EBF3: variants seen among roughly 807,000 people sequenced by gnomAD.
EBF3 encodes the protein transcription factor COE3.
EBF3 carries 18 observed loss-of-function variants against 77.1 expected under a neutral mutation model. The ratio of observed to expected loss-of-function variants is 0.23; its 90% CI spans 0.16 to 0.35. The LOEUF is 0.35. Ranked by LOEUF, EBF3 falls within the 10% of genes least tolerant of loss-of-function variation. The pLI is 1.00. For synonymous variants in EBF3, 350 were observed against 343.5 expected (o/e 1.02, Z -0.21); for missense variants, 558 against 860.0 (o/e 0.65, Z 4.39).
intron 10 of EBF3, among the ~76,000 whole-genome samples, chr10:129,855,448 C>A (rs750254721): frequency 2.0e-5 from 3 of 152,190 alleles, no homozygotes; most frequent in Non-Finnish European, 4.4e-5. Flanking sequence ...CTTTTATAGT[C>A]GTGTGGAAAC....
At chr10:129,875,246 G>A (rs1286764668) in intron 7 of EBF3, among the ~76,000 whole-genome samples, 1 of 142,556 alleles carries the variant, frequency 7.0e-6, no homozygotes, top group Non-Finnish European at 1.5e-5. Flanking sequence ...GCCCAGGCTG[G>A]AGTGCAGTGG....
rs757681340 is a variant in EBF3, at chr10:129,867,945, G to C, written c.782-33C>G. On this transcript the variant is annotated intron_variant, in intron 8 of 16. Coordinates refer to ENST00000440978, the MANE Select transcript of EBF3 (RefSeq NM_001375380.1). ...CACAAGACAGAGAAGGCAGACCTTA[G>C]AGCCCCGTCCTCCTCCGACGCTGGG... is the stretch of plus-strand genomic sequence containing the variant. The C allele has an allele frequency of 2.5e-6, 4 of 1,608,882 alleles. No homozygotes were observed. In the African/African-American group the frequency reaches 5.3e-5, roughly 21 times the overall value.
In EBF3 at chr10:129,848,562, ATG is replaced by A. The variant is rs1850637827; in HGVS notation, c.1040-84_1040-83del. ...TCGTTTATTGCACACTTACAAATAAATGTGTAGTTCTCCTGCTCTGATGCTCT... is the reference window on the plus strand; with the variant it reads ...TCGTTTATTGCACACTTACAAATAAATGTAGTTCTCCTGCTCTGATGCTCT... On this transcript the variant is annotated intron_variant, in intron 10 of 16. Transcript: ENST00000440978. The surrounding 1 kb of genome is among the most constrained non-coding windows in gnomAD (Gnocchi z 4.4). 1.4e-6 allele frequency: 2 copies of A among 1,428,316 alleles called. No homozygotes were observed. The highest frequency in any genetic ancestry group is 1.4e-5 in the African/African-American group (1 of 70,954). 88.5% of individuals were successfully genotyped at this position (1,428,316 alleles called of 1,614,324 possible). A position where few individuals can be genotyped will look rare whatever the true frequency, so the allele number is the denominator to read the frequency against.
intron 6 of EBF3, among the ~76,000 whole-genome samples, chr10:129,950,023 A>AGGGAGGAGGGAG (rs1858543403): frequency 9.7e-5 from 1 of 10,352 alleles, no homozygotes; most frequent in Admixed American, 1.0e-3. Flanking sequence ...AGGAGGGAGG[A>AGGGAGGAGGGAG]GGGAGGAGGG....
intron 6 of EBF3, among the ~76,000 whole-genome samples, chr10:129,936,757 TG>T (rs1298755865): frequency 7.1e-6 from 1 of 140,104 alleles, no homozygotes; most frequent in Non-Finnish European, 1.6e-5. Flanking sequence ...CTCAGCTGTG[TG>T]GGGACCCAGG....
chr10:129,892,115 A>T (rs936405776), intron 6 of EBF3, among the ~76,000 whole-genome samples: 2 of 152,238 alleles, frequency 1.3e-5, no homozygotes, highest in African/African-American at 4.8e-5. Context: ...GAAATGACAG[A>T]GTCAAGTGAA....
At chr10:129,862,156 A>G (rs1851685815) in intron 10 of EBF3, among the ~76,000 whole-genome samples, 1 of 152,194 alleles carries the variant, frequency 6.6e-6, no homozygotes, top group Non-Finnish European at 1.5e-5. Context: ...TATGACTTTA[A>G]AAGAAAGAAG....
At chr10:129,901,702 G>A (rs1318966097) in intron 6 of EBF3, among the ~76,000 whole-genome samples, 1 of 152,234 alleles carries the variant, frequency 6.6e-6, no homozygotes, top group Non-Finnish European at 1.5e-5. Flanking sequence ...TTTAAGAGGA[G>A]ATAAATCCTG....
Position 129,842,731 on chromosome 10 carries a change from T to C in EBF3, c.1194+406A>G, listed in dbSNP as rs1590040266. 1.6e-5 allele frequency among the ~76,000 whole-genome samples: 2 copies of C among 128,004 alleles called. No homozygotes were observed. The highest frequency in any genetic ancestry group is 1.6e-5 in the Non-Finnish European group (1 of 63,636). 84.0% of individuals were successfully genotyped at this position (128,004 alleles called of 152,430 possible). ...GTGAACCGACACTGCCCTACTGCAC[T>C]CCAGCCTGGGTGACAGAGCAAGACC... On this transcript the variant is annotated intron_variant, in intron 12 of 16. Coordinates refer to ENST00000440978, the MANE Select transcript of EBF3 (RefSeq NM_001375380.1). The surrounding 1 kb of genome is among the most constrained non-coding windows in gnomAD (Gnocchi z 4.4).
chr10:129,953,151 C>T (rs947509457), intron 6 of EBF3, among the ~76,000 whole-genome samples: 3 of 151,188 alleles, frequency 2.0e-5, no homozygotes, highest in Non-Finnish European at 2.9e-5. Context: ...AAACTTAAAA[C>T]GCACATATGA....
intron 6 of EBF3, among the ~76,000 whole-genome samples, chr10:129,900,740 G>A (rs186905333): frequency 5.0e-4 from 76 of 152,360 alleles, no homozygotes; most frequent in African/African-American, 1.8e-3. Flanking sequence ...GCACCGTAGC[G>A]GGGGTGCTCC....
chr10:129,886,451 T>G (rs76665156), intron 6 of EBF3, among the ~76,000 whole-genome samples: 3,829 of 152,290 alleles, frequency 0.025, 163 homozygotes, highest in African/African-American at 0.088. Flanking sequence ...CATCCATTAC[T>G]CGGAACAGCA....
rs1267658576 is a variant in EBF3 at position 129,843,284 on chromosome 10, G to T, written c.1129-82C>A. 3 of 1,456,084 alleles carry T rather than the reference G, an allele frequency of 2.1e-6. No homozygotes were observed. In the East Asian group the frequency reaches 7.5e-5, roughly 36 times the overall value. 90.2% of individuals were successfully genotyped at this position (1,456,084 alleles called of 1,614,324 possible). A position where few individuals can be genotyped will look rare whatever the true frequency, so the allele number is the denominator to read the frequency against. ...CCCTTCAGTACCAGTTCCGTCTGCG[G>T]GTGTGGAGACCAGTCCCCACCCACA... On this transcript the variant is annotated intron_variant, in intron 11 of 16. Coordinates refer to ENST00000440978, the MANE Select transcript of EBF3 (RefSeq NM_001375380.1).
intron 6 of EBF3, among the ~76,000 whole-genome samples, chr10:129,913,680 G>T (rs768775287): frequency 6.6e-6 from 1 of 152,214 alleles, no homozygotes; most frequent in Admixed American, 6.5e-5. Context: ...GAGGTGCTAC[G>T]AATGCTAGAT....
chr10:129,906,009 T>C lies in EBF3; in HGVS notation c.555-28160A>G, dbSNP rs138358321. ...AGAATAGATGGCCACAAGAAAAGAA[T>C]GGTGAATAAAAGCAGCCTTACTCAG... On this transcript the variant is annotated intron_variant, in intron 6 of 16. Transcript: ENST00000440978. Among the ~76,000 whole-genome samples, 54 of 152,300 alleles carry C rather than the reference T, an allele frequency of 3.5e-4. 1 individual carries two copies. The East Asian group carries it at 0.01, about 29-fold the overall frequency.
At chr10:129,887,060 G>GGGGGT in intron 6 of EBF3, among the ~76,000 whole-genome samples, 1 of 105,850 alleles carries the variant, frequency 9.4e-6, no homozygotes, top group South Asian at 5.3e-4. Context: ...TGGGCGGGGG[G>GGGGGT]GGGGGGGAGG....
Position 129,957,108 on chromosome 10 carries a change from CATG to C in EBF3, c.554+147_554+149del, listed in dbSNP as rs1305518279. 8 of 615,612 alleles carry C rather than the reference CATG, an allele frequency of 1.3e-5. No homozygotes were observed. The African/African-American group carries it at 1.3e-4, about 10-fold the overall frequency. The allele number at this position is 615,612 out of a possible 1,614,324, so 38.1% of individuals were successfully genotyped here. On this transcript the variant is annotated intron_variant, in intron 6 of 16. Coordinates refer to ENST00000440978, the MANE Select transcript of EBF3 (RefSeq NM_001375380.1). Reference sequence around the variant, plus strand: ...AGGTTTCCAAGTCAACCCACCTGTGCATGATAACACACGCGGACAACAAATGGT... The same window carrying C: ...AGGTTTCCAAGTCAACCCACCTGTGCATAACACACGCGGACAACAAATGGT...
chr10:129,884,610 G>A (rs1408042292), intron 6 of EBF3, among the ~76,000 whole-genome samples: 1 of 152,212 alleles, frequency 6.6e-6, no homozygotes, highest in Non-Finnish European at 1.5e-5. Context: ...AAGGGGCAGA[G>A]GGCGGCAAGC....
Position 129,919,409 on chromosome 10 carries a change from G to A in EBF3, c.554+37849C>T, listed in dbSNP as rs141831828. Reference sequence around the variant, plus strand: ...AGGGAATAAGGCTGGGGAAGGTGACGAGGCCAGAGATAGCGAGCTTCTCTC... The same window carrying A: ...AGGGAATAAGGCTGGGGAAGGTGACAAGGCCAGAGATAGCGAGCTTCTCTC... On this transcript the variant is annotated intron_variant, in intron 6 of 16. Transcript: ENST00000440978. 3.7e-3 allele frequency among the ~76,000 whole-genome samples: 565 copies of A among 152,212 alleles called. 2 individuals are homozygous for A. The highest frequency in any genetic ancestry group is 4.8e-3 in the Non-Finnish European group (324 of 67,986).
Sources: gnomAD v4.1 joint callset for allele counts (sites outside exome capture counted in the v4.1 genomes callset) on GRCh38, gnomAD v4.1.1 for gene constraint, Gnocchi (gnomAD v3.1) non-coding constraint, MANE v1.5 for transcripts, NCBI Gene and HGNC (gene_info 2026-07-23, HGNC 2026-07-21) for gene names.